The following NALF1 variants were observed in gnomAD, a reference collection of about 807,000 sequenced individuals.
NALF1 encodes the protein family with sequence similarity 155 member A.
NALF1 carries 3 observed loss-of-function variants against 48.4 expected under a neutral mutation model. The ratio of observed to expected loss-of-function variants is 0.06; its 90% CI spans 0.03 to 0.16. The LOEUF is 0.16. NALF1 is among the 10% of genes least tolerant of loss of function. NALF1 has a pLI of 1.00. For synonymous variants in NALF1, 262 were observed against 245.7 expected, an observed-to-expected ratio of 1.07 and a Z score of -0.62; for missense variants, 526 against 571.5, an observed-to-expected ratio of 0.92 and a Z score of 0.81.
At chr13:107,758,328 T>C (rs1178785539) in intron 1 of NALF1, among the ~76,000 whole-genome samples, 1 of 152,202 alleles carries the variant, frequency 6.6e-6, no homozygotes, top group Non-Finnish European at 1.5e-5. Flanking sequence ...TTACTATAAA[T>C]CTCAAATCAG....
intron 1 of NALF1, among the ~76,000 whole-genome samples, chr13:107,398,558 T>A (rs1883752196): frequency 6.6e-6 from 1 of 152,158 alleles, no homozygotes; most frequent in African/African-American, 2.4e-5. Flanking sequence ...TTATAGTAGG[T>A]TTTGCTAGGT....
At chr13:107,409,800 C>T (rs1174410679) in intron 1 of NALF1, among the ~76,000 whole-genome samples, 1 of 152,110 alleles carries the variant, frequency 6.6e-6, no homozygotes. Flanking sequence ...CTGATAATCT[C>T]GATTAGTCTG....
chr13:107,634,800 A>T lies in NALF1; in HGVS notation c.915+230882T>A, dbSNP rs754004764. On this transcript the variant is annotated intron_variant, in intron 1 of 2. Coordinates refer to ENST00000375915, the MANE Select transcript of NALF1 (RefSeq NM_001080396.3). ...AAGACAGACAGACCTAAAGGGAAAA[A>T]TGCAGTGTTGATGTCACATGCTATA... 2.6e-4 allele frequency among the ~76,000 whole-genome samples: 40 copies of T among 152,166 alleles called. 1 individual carries two copies. Among genetic ancestry groups the T allele is most frequent in the Non-Finnish European group, 5.1e-4 (35 of 68,030 alleles).
chr13:107,837,571 T>C (rs965902682), intron 1 of NALF1, among the ~76,000 whole-genome samples: 5 of 152,126 alleles, frequency 3.3e-5, no homozygotes, highest in African/African-American at 1.2e-4. Context: ...ACAATGGTCC[T>C]GAAAAGAGAG....
intron 1 of NALF1, among the ~76,000 whole-genome samples, chr13:107,715,722 T>C (rs1419674930): frequency 6.6e-6 from 1 of 152,216 alleles, no homozygotes; most frequent in Non-Finnish European, 1.5e-5. Flanking sequence ...GACACCACAG[T>C]GTGCCCTTCT....
intron 1 of NALF1, among the ~76,000 whole-genome samples, chr13:107,649,317 AG>A (rs1302305726): frequency 6.6e-6 from 1 of 152,222 alleles, no homozygotes; most frequent in Non-Finnish European, 1.5e-5. Flanking sequence ...ATACCTCTGT[AG>A]ATTAAAACAT....
chr13:107,470,747 T>C (rs111674283), intron 1 of NALF1, among the ~76,000 whole-genome samples: 2 of 152,296 alleles, frequency 1.3e-5, no homozygotes, highest in African/African-American at 4.8e-5. Flanking sequence ...CTGTTTGAAC[T>C]GTTGAAATGT....
At chr13:107,786,187 C>T (rs987130555) in intron 1 of NALF1, among the ~76,000 whole-genome samples, 3 of 151,882 alleles carry the variant, frequency 2.0e-5, no homozygotes, top group African/African-American at 4.8e-5. Flanking sequence ...GAGGCTGAGG[C>T]GGGCAGATCA....
In NALF1 at chr13:107,169,905, G is replaced by C. The variant is rs1878758990; in HGVS notation, c.*592C>G. 1 of 152,612 alleles carries C rather than the reference G, an allele frequency of 6.6e-6. No individual in the cohort carries two copies. 9.5% of individuals were successfully genotyped at this position (152,612 alleles called of 1,614,324 possible). A position where few individuals can be genotyped will look rare whatever the true frequency, so the allele number is the denominator to read the frequency against. On this transcript the variant is annotated 3_prime_UTR_variant, in exon 3 of 3. Coordinates refer to ENST00000375915, the MANE Select transcript of NALF1 (RefSeq NM_001080396.3). ...GCGAGGGAAAGGAAAGGCCGGGAAG[G>C]GTGTTGTTGGTTCTGTGGGTAGAAG...
At chr13:107,725,926 T>C (rs1215843858) in intron 1 of NALF1, among the ~76,000 whole-genome samples, 6 of 152,258 alleles carry the variant, frequency 3.9e-5, no homozygotes, top group African/African-American at 1.4e-4. Context: ...GGGTGTTTCT[T>C]TGATCATAAA....
chr13:107,522,665 G>A (rs1170383835), intron 1 of NALF1, among the ~76,000 whole-genome samples: 1 of 151,646 alleles, frequency 6.6e-6, no homozygotes, highest in African/African-American at 2.4e-5. Context: ...CTGCAGTGGT[G>A]TGATCTCGAC....
chr13:107,750,786 G>C (rs976427886), intron 1 of NALF1, among the ~76,000 whole-genome samples: 3 of 152,152 alleles, frequency 2.0e-5, no homozygotes, highest in African/African-American at 7.2e-5. Context: ...AAATGTTTTA[G>C]CTATGAAACT....
At chr13:107,568,823 A>C (rs1877894305) in intron 1 of NALF1, among the ~76,000 whole-genome samples, 1 of 152,168 alleles carries the variant, frequency 6.6e-6, no homozygotes, top group African/African-American at 2.4e-5. Flanking sequence ...AGTTCTTTAT[A>C]TATTCTAAAT....
At chr13:107,461,091 A>AT (rs1884911093) in intron 1 of NALF1, among the ~76,000 whole-genome samples, 1 of 152,160 alleles carries the variant, frequency 6.6e-6, no homozygotes, top group Non-Finnish European at 1.5e-5. Context: ...TTAGAGAATT[A>AT]TTTTGTTAAA....
intron 1 of NALF1, among the ~76,000 whole-genome samples, chr13:107,758,435 G>A (rs555506339): frequency 6.6e-6 from 1 of 152,220 alleles, no homozygotes; most frequent in South Asian, 2.1e-4. Flanking sequence ...TAAAAAGCAT[G>A]TATAGGCTTG....
At chr13:107,668,983 G>A (rs3905073) in intron 1 of NALF1, among the ~76,000 whole-genome samples, 150,355 of 152,196 alleles carry the variant, frequency 0.99, 74,292 homozygotes, top group East Asian at 1. Flanking sequence ...TCAGTAAACC[G>A]TCCTCAAAAA....
intron 1 of NALF1, among the ~76,000 whole-genome samples, chr13:107,345,574 A>C (rs1466217412): frequency 6.6e-6 from 1 of 152,192 alleles, no homozygotes; most frequent in East Asian, 1.9e-4. Flanking sequence ...TCTCTTCAAA[A>C]AATTGTACTG....
intron 1 of NALF1, among the ~76,000 whole-genome samples, chr13:107,338,618 A>C (rs140467440): frequency 3.3e-5 from 5 of 152,282 alleles, no homozygotes; most frequent in Non-Finnish European, 5.9e-5. Context: ...GACCAGCCTC[A>C]TGGGTCTGTT....
At chr13:107,279,238 T>C (rs768303072) in intron 1 of NALF1, among the ~76,000 whole-genome samples, 1 of 151,936 alleles carries the variant, frequency 6.6e-6, no homozygotes, top group Non-Finnish European at 1.5e-5. Flanking sequence ...GCCTCAACCA[T>C]TTTTCTCTCT....
Sources: allele counts gnomAD v4.1 joint callset (sites outside exome capture counted in the v4.1 genomes callset), GRCh38; gene constraint gnomAD v4.1.1; transcripts MANE v1.5; gene names NCBI Gene and HGNC (gene_info 2026-07-23, HGNC 2026-07-21).